Variants in ERC1 observed in about 807,000 individuals in gnomAD.
ERC1 encodes the protein RAB6 interacting protein 2.
Under a neutral mutation model 132.0 loss-of-function variants are expected in ERC1, and 56 were observed. That is an observed-to-expected ratio of 0.42 (90% confidence interval 0.34 to 0.53). The LOEUF is 0.53. Ranked by LOEUF, ERC1 falls within the 20% of genes least tolerant of loss-of-function variation. ERC1 has a pLI of 0.03. For missense variants in ERC1, 1,202 were observed against 1,349.9 expected, an observed-to-expected ratio of 0.89 and a Z score of 1.72; for synonymous variants, 478 against 476.1, an observed-to-expected ratio of 1.00 and a Z score of -0.05.
chr12:1,194,712 G>C (rs1594119612), intron 12 of ERC1, among the ~76,000 whole-genome samples: 1 of 152,136 alleles, frequency 6.6e-6, no homozygotes, highest in East Asian at 1.9e-4. Flanking sequence ...TCTAGTATGA[G>C]ATTGTTAGAT....
intron 16 of ERC1, among the ~76,000 whole-genome samples, chr12:1,398,682 A>T (rs12308521): frequency 0.51 from 77,250 of 152,014 alleles, 22,286 homozygotes; most frequent in African/African-American, 0.79. Context: ...AGGTAGGTAG[A>T]TTATAAAGAA....
chr12:1,013,522 C>T (rs1965026907), intron 1 of ERC1, among the ~76,000 whole-genome samples: 1 of 151,996 alleles, frequency 6.6e-6, no homozygotes, highest in African/African-American at 2.4e-5. Context: ...GCAGAGGTGG[C>T]CTTTCAGATA....
intron 18 of ERC1, among the ~76,000 whole-genome samples, chr12:1,473,820 T>A (rs2093917985): frequency 1.3e-5 from 2 of 152,086 alleles, no homozygotes; most frequent in African/African-American, 4.8e-5. Flanking sequence ...CAATTTTAGT[T>A]TTCCCTGGTA....
intron 14 of ERC1, among the ~76,000 whole-genome samples, chr12:1,267,416 T>C (rs187840668): frequency 1.3e-5 from 2 of 152,384 alleles, no homozygotes; most frequent in African/African-American, 4.8e-5. Context: ...GCTATGATGT[T>C]ATGAAATTTA....
chr12:1,340,245 A>G lies in ERC1; in HGVS notation c.2781-31588A>G, dbSNP rs1208296007. Among the ~76,000 whole-genome samples, 7 of 152,136 alleles carry G rather than the reference A, an allele frequency of 4.6e-5. No homozygotes were observed. In the East Asian group the frequency reaches 1.3e-3, roughly 29 times the overall value. ...GACCAAGAGGTGCTCAGGTTGGACC[A>G]GCCCCATCTGATGGGCAAGACCTCC... On this transcript the variant is annotated intron_variant, in intron 15 of 18. Transcript: ENST00000360905.
At chr12:1,326,236 A>G (rs2082436032) in intron 15 of ERC1, among the ~76,000 whole-genome samples, 1 of 152,146 alleles carries the variant, frequency 6.6e-6, no homozygotes, top group African/African-American at 2.4e-5. Context: ...AAGACATTTT[A>G]CTCAAAGACC....
At chr12:1,231,719 A>G (rs998698676) in intron 12 of ERC1, among the ~76,000 whole-genome samples, 2 of 147,016 alleles carry the variant, frequency 1.4e-5, no homozygotes, top group African/African-American at 5.1e-5. Flanking sequence ...TTGATATTGT[A>G]TTATTTGTTT....
intron 17 of ERC1, among the ~76,000 whole-genome samples, chr12:1,420,302 T>A (rs1031654612): frequency 2.0e-5 from 3 of 152,152 alleles, no homozygotes; most frequent in African/African-American, 7.2e-5. Flanking sequence ...GAGATACAAA[T>A]TTGGAGACCA....
intron 15 of ERC1, among the ~76,000 whole-genome samples, chr12:1,320,319 T>C (rs534256668): frequency 2.6e-4 from 39 of 152,346 alleles, no homozygotes; most frequent in African/African-American, 8.9e-4. Context: ...ACATGTGCTC[T>C]CACCCAAATG....
chr12:1,192,401 G>A (rs1566199636), intron 12 of ERC1, among the ~76,000 whole-genome samples: 1 of 152,180 alleles, frequency 6.6e-6, no homozygotes, highest in Non-Finnish European at 1.5e-5. Flanking sequence ...GTTTGCATAT[G>A]TGTGGCTGCT....
intron 12 of ERC1, among the ~76,000 whole-genome samples, chr12:1,232,451 A>G (rs1257878469): frequency 6.6e-6 from 1 of 152,164 alleles, no homozygotes; most frequent in Non-Finnish European, 1.5e-5. Flanking sequence ...TCATTCATTT[A>G]ATGCTGCATC....
intron 14 of ERC1, among the ~76,000 whole-genome samples, chr12:1,276,430 G>A (rs1157833114): frequency 6.6e-6 from 1 of 151,874 alleles, no homozygotes; most frequent in African/African-American, 2.4e-5. Flanking sequence ...AGTAGAGACG[G>A]GGTTTCGCTA....
At chr12:1,033,325 C>T (rs573124037) in intron 2 of ERC1, among the ~76,000 whole-genome samples, 2 of 152,264 alleles carry the variant, frequency 1.3e-5, no homozygotes, top group East Asian at 1.9e-4. Flanking sequence ...TATGAGCCAC[C>T]GTGCCTGGCC....
chr12:1,466,264 G>C (rs868061323), intron 18 of ERC1, among the ~76,000 whole-genome samples: 38 of 152,102 alleles, frequency 2.5e-4, no homozygotes, highest in African/African-American at 8.5e-4. Context: ...TCCTCACGTG[G>C]TCTATCCTCT....
At chr12:1,463,697 C>CTGTGCGTGTGTGTGTGTGTG in intron 18 of ERC1, among the ~76,000 whole-genome samples, 1 of 136,126 alleles carries the variant, frequency 7.3e-6, no homozygotes, top group South Asian at 2.4e-4. Context: ...GGTGCTAAGA[C>CTGTGCGTGTGTGTGTGTGTG]TGTGTGTGTG....
At chr12:1,030,744 T>G (rs1294859445) in intron 2 of ERC1, among the ~76,000 whole-genome samples, 1 of 152,010 alleles carries the variant, frequency 6.6e-6, no homozygotes, top group Non-Finnish European at 1.5e-5. Flanking sequence ...AAACAAAGAT[T>G]ATAATACAGT....
At chr12:1,268,630 G>A (rs1594674395) in intron 14 of ERC1, among the ~76,000 whole-genome samples, 1 of 152,336 alleles carries the variant, frequency 6.6e-6, no homozygotes, top group African/African-American at 2.4e-5. Flanking sequence ...GCCAGGTGTG[G>A]TGGCGGGTAC....
intron 2 of ERC1, among the ~76,000 whole-genome samples, chr12:1,045,471 C>G (rs894806866): frequency 1.3e-5 from 2 of 152,020 alleles, no homozygotes; most frequent in African/African-American, 2.4e-5. Context: ...TATATCTAGA[C>G]TCTTATAGAT....
chr12:1,490,390 C>A lies in ERC1; in HGVS notation c.*160C>A. The A allele has an allele frequency of 1.5e-6, 1 of 671,280 alleles. No homozygotes were observed. Among genetic ancestry groups the A allele is most frequent in the Non-Finnish European group, 2.5e-6 (1 of 400,744 alleles). 41.6% of individuals were successfully genotyped at this position (671,280 alleles called of 1,614,324 possible). ...GATTCCAGCACCGTTTCTACATCTGCCATCTTACTCTGCCTTTCTGCTTTG... is the reference window on the plus strand; with the variant it reads ...GATTCCAGCACCGTTTCTACATCTGACATCTTACTCTGCCTTTCTGCTTTG... On this transcript the variant is annotated 3_prime_UTR_variant, in exon 19 of 19. Transcript: ENST00000360905.
Sources: gnomAD v4.1 joint callset for allele counts (sites outside exome capture counted in the v4.1 genomes callset) on GRCh38, gnomAD v4.1.1 for gene constraint, MANE v1.5 for transcripts, NCBI Gene and HGNC (gene_info 2026-07-23, HGNC 2026-07-21) for gene names.